NBEA: variants seen among roughly 807,000 people sequenced by gnomAD.
NBEA encodes neurobeachin, also known as lysosomal-trafficking regulator 2.
NBEA carries 44 observed loss-of-function variants against 343.4 expected under a neutral mutation model. The ratio of observed to expected loss-of-function variants is 0.13; its 90% CI spans 0.10 to 0.16. The LOEUF (loss-of-function observed/expected upper bound fraction) is 0.16, where lower values mean the gene tolerates loss of function less well. NBEA is among the 10% of genes least tolerant of loss of function. The pLI is 1.00. For synonymous variants in NBEA, 1,175 were observed against 1,238.7 expected (o/e 0.95, Z 1.08); for missense variants, 2,555 against 3,631.3 (o/e 0.70, Z 7.62).
At chr13:35,128,976 T>A (rs996454690) in intron 17 of NBEA, among the ~76,000 whole-genome samples, 2 of 149,686 alleles carry the variant, frequency 1.3e-5, no homozygotes, top group African/African-American at 4.9e-5. Context: ...AGACTTCACA[T>A]GTGGCTATTA....
intron 11 of NBEA, among the ~76,000 whole-genome samples, chr13:35,104,017 T>A (rs183351943): frequency 4.6e-5 from 7 of 151,992 alleles, no homozygotes; most frequent in African/African-American, 1.7e-4. Context: ...CATAATGAAG[T>A]CATAAGCCTT....
chr13:35,153,042 T>C (rs916716027), intron 18 of NBEA, among the ~76,000 whole-genome samples: 1 of 146,834 alleles, frequency 6.8e-6, no homozygotes, highest in Non-Finnish European at 1.5e-5. Flanking sequence ...GGTTCTTTTT[T>C]TTTTTTTTTT....
At chr13:35,275,645 A>C (rs1014861853) in intron 34 of NBEA, among the ~76,000 whole-genome samples, 1 of 152,224 alleles carries the variant, frequency 6.6e-6, no homozygotes, top group Non-Finnish European at 1.5e-5. Flanking sequence ...AAAGAACTTA[A>C]ACAAATTTAC....
chr13:35,475,749 G>T (rs1181070329), intron 41 of NBEA: 1 of 1,613,924 alleles, frequency 6.2e-7, no homozygotes, highest in African/African-American at 1.3e-5. Context: ...TCTGAAACCT[G>T]GACCGGATTT....
intron 30 of NBEA, among the ~76,000 whole-genome samples, chr13:35,190,761 A>G (rs1297413888): frequency 6.6e-6 from 1 of 152,166 alleles, no homozygotes; most frequent in Non-Finnish European, 1.5e-5. Context: ...TATGGTCAAT[A>G]CACAGGGGGA....
At chr13:35,310,605 T>C (rs1394946270) in intron 36 of NBEA, among the ~76,000 whole-genome samples, 1 of 152,194 alleles carries the variant, frequency 6.6e-6, no homozygotes, top group African/African-American at 2.4e-5. Context: ...TTGCAGTGCT[T>C]TATTGGCAGT....
chr13:35,248,797 C>T (rs74692612), intron 34 of NBEA, among the ~76,000 whole-genome samples: 6,404 of 152,166 alleles, frequency 0.042, 158 homozygotes, highest in South Asian at 0.079. Context: ...ACTCAAAATG[C>T]ATTAAAAACC....
At chr13:34,983,392 A>G (rs2060429859) in intron 1 of NBEA, among the ~76,000 whole-genome samples, 1 of 152,120 alleles carries the variant, frequency 6.6e-6, no homozygotes. Context: ...CATGGTGTAT[A>G]TGTGCCATAT....
intron 38 of NBEA, among the ~76,000 whole-genome samples, chr13:35,374,926 A>G (rs546301244): frequency 2.0e-4 from 30 of 152,212 alleles, no homozygotes; most frequent in African/African-American, 6.7e-4. Context: ...ATGCTAGACT[A>G]TTTACTAGAA....
chr13:35,474,449 A>G (rs188517921), intron 41 of NBEA: 1 of 152,696 alleles, frequency 6.5e-6, no homozygotes, highest in African/African-American at 2.4e-5. Flanking sequence ...TAAACTTTTT[A>G]AAGTTCAGAC....
intron 30 of NBEA, among the ~76,000 whole-genome samples, chr13:35,187,697 A>G (rs1049805247): frequency 1.3e-5 from 2 of 151,802 alleles, no homozygotes; most frequent in Non-Finnish European, 1.5e-5. Context: ...TGCCTATTTC[A>G]TGGTTTTAAA....
intron 35 of NBEA, among the ~76,000 whole-genome samples, chr13:35,303,961 T>A (rs551767749): frequency 6.6e-6 from 1 of 152,144 alleles, no homozygotes; most frequent in Admixed American, 6.5e-5. Flanking sequence ...TCATCATACC[T>A]GACTTTCCTG....
At chr13:35,187,403 A>G (rs569114994) in intron 30 of NBEA, among the ~76,000 whole-genome samples, 131 of 151,662 alleles carry the variant, frequency 8.6e-4, no homozygotes, top group African/African-American at 3.1e-3. Context: ...ATTACTGACA[A>G]TTTTGGAAAT....
At chr13:35,646,484 A>G (rs1593459821) in intron 51 of NBEA, 136 bp downstream of exon 51, 2 of 665,488 alleles carry the variant, frequency 3.0e-6, no homozygotes, top group South Asian at 3.7e-5. Flanking sequence ...CTAAGTACAA[A>G]CTAATACCCC....
chr13:35,253,320 G>T (rs144411926), intron 34 of NBEA, among the ~76,000 whole-genome samples: 1 of 152,138 alleles, frequency 6.6e-6, no homozygotes, highest in African/African-American at 2.4e-5. Context: ...TTCCAAAAAC[G>T]TGCTCACTTC....
chr13:34,999,177 T>C (rs1177031238), intron 1 of NBEA, among the ~76,000 whole-genome samples: 1 of 152,126 alleles, frequency 6.6e-6, no homozygotes, highest in African/African-American at 2.4e-5. Flanking sequence ...TTTGTTCTAT[T>C]GTTTGGTCAG....
chr13:35,425,303 T>C (rs1367358375), intron 38 of NBEA, among the ~76,000 whole-genome samples: 4 of 152,244 alleles, frequency 2.6e-5, no homozygotes, highest in Non-Finnish European at 4.4e-5. Context: ...AATTTCCCTC[T>C]ACACACTGCT....
intron 41 of NBEA, among the ~76,000 whole-genome samples, chr13:35,500,667 A>G (rs775009741): frequency 6.6e-6 from 1 of 150,894 alleles, no homozygotes; most frequent in Non-Finnish European, 1.5e-5. Flanking sequence ...TGAGATGACA[A>G]CTATCTAGGT....
chr13:35,590,216 A>G (rs552377362), intron 46 of NBEA, among the ~76,000 whole-genome samples: 2 of 152,258 alleles, frequency 1.3e-5, no homozygotes, highest in South Asian at 4.1e-4. Flanking sequence ...AGGGAAACAC[A>G]TGGAAAAAGC....
Sources: gnomAD v4.1 joint callset for allele counts (sites outside exome capture counted in the v4.1 genomes callset) on GRCh38, gnomAD v4.1.1 for gene constraint, MANE v1.5 for transcripts, NCBI Gene and HGNC (gene_info 2026-07-23, HGNC 2026-07-21) for gene names.